Variants in FAM98B observed in about 807,000 individuals in gnomAD.
FAM98B encodes tRNA splicing ligase complex subunit 3B.
In FAM98B, 32 loss-of-function variants were observed where a neutral mutation model predicts 43.9. That is an observed-to-expected ratio of 0.73 (90% CI 0.55 to 0.98). FAM98B has a LOEUF of 0.98. FAM98B is among the 50% of genes least tolerant of loss of function. The pLI is 0.00. For synonymous variants in FAM98B, 190 were observed against 174.0 expected (o/e 1.09, Z -0.72); for missense variants, 514 against 522.9 (o/e 0.98, Z 0.17).
rs557395856 is a variant in FAM98B at position 38,481,465 on chromosome 15, T to C, written c.897+6T>C. On this transcript the variant is annotated splice_donor_region_variant and intron_variant, in intron 7 of 7. Transcript: ENST00000397609. Reference sequence around the variant, plus strand: ...CCGCATGTGCCATTAATAAGGTTGGTGTTTCTTTCAGTACAGTGGAAAATG... The same window carrying C: ...CCGCATGTGCCATTAATAAGGTTGGCGTTTCTTTCAGTACAGTGGAAAATG... 3 of 1,614,218 alleles carry C rather than the reference T, an allele frequency of 1.9e-6. No homozygotes were observed. The highest frequency in any genetic ancestry group is 3.3e-5 in the Admixed American group (2 of 60,020).
At chr15:38,474,877 C>A (rs1183030281) in intron 6 of FAM98B, among the ~76,000 whole-genome samples, 1 of 152,084 alleles carries the variant, frequency 6.6e-6, no homozygotes. Context: ...ACTCTCCAGG[C>A]AGTAAGCTGA....
chr15:38,475,106 C>T (rs955323534), intron 6 of FAM98B, among the ~76,000 whole-genome samples: 1 of 150,976 alleles, frequency 6.6e-6, no homozygotes, highest in African/African-American at 2.4e-5. Context: ...AGTTCTTCTG[C>T]CCCATGCTGG....
rs778351433 is a variant in FAM98B at position 38,464,150 on chromosome 15, A to G, written c.190A>G (p.Asn64Asp). The change falls in exon 2 of 8, where the codon AAC becomes GAC. Residue 64 changes from asparagine to aspartate, a missense_variant. Asn to Asp is a conservative substitution (Grantham distance 23, BLOSUM62 1). Around this residue, in one of 2 missense-constraint regions of FAM98B, gnomAD observed 469 missense variants for 451.8 expected, o/e 1.04. Coordinates refer to ENST00000397609, the MANE Select transcript of FAM98B (RefSeq NM_173611.4). The stretch of plus-strand genomic sequence containing the variant: ...AGGCTCTCAAATAAAATCATTATGC[A>G]ACTTGGAAGAAAGTATCACGTCTGC... ...WLGSQIKSLC[N>D]LEESITSAGR... The G allele has an allele frequency of 5.0e-6, 8 of 1,612,954 alleles. No individual in the cohort carries two copies. In the East Asian group the frequency reaches 1.6e-4, roughly 31 times the overall value.
At position 38,459,844 on chromosome 15, in the gene FAM98B, C is replaced by G. The variant is rs72727347; in HGVS notation, c.72-4188C>G. Among the ~76,000 whole-genome samples the G allele has an allele frequency of 6.4e-3, 977 of 152,276 alleles. 7 individuals are homozygous for G. The highest frequency in any genetic ancestry group is 9.3e-3 in the Non-Finnish European group (634 of 68,012). ...TGAAAACAAGAGAGGAATAATCTTT[C>G]TGAGAAGAAATGGACAGTATAGCAA... is the stretch of plus-strand genomic sequence containing the variant. On this transcript the variant is annotated intron_variant, in intron 1 of 7. Transcript: ENST00000397609.
At chr15:38,458,529 G>A (rs1889888463) in intron 1 of FAM98B, among the ~76,000 whole-genome samples, 1 of 152,088 alleles carries the variant, frequency 6.6e-6, no homozygotes, top group Admixed American at 6.6e-5. Flanking sequence ...CACACATCTC[G>A]GGAACCCAAC....
At chr15:38,463,243 T>A (rs1436151256) in intron 1 of FAM98B, among the ~76,000 whole-genome samples, 6 of 152,152 alleles carry the variant, frequency 3.9e-5, no homozygotes, top group Non-Finnish European at 7.3e-5. Context: ...ACACCTGTAA[T>A]CCCAGTACTT....
chr15:38,482,010 G>A, intron 7 of FAM98B: 1 of 167,006 alleles, frequency 6.0e-6, no homozygotes. Flanking sequence ...CTTTACAACA[G>A]CAATAACAAT....
At chr15:38,455,756 T>G (rs1310570097) in intron 1 of FAM98B, among the ~76,000 whole-genome samples, 1 of 152,248 alleles carries the variant, frequency 6.6e-6, no homozygotes, top group Non-Finnish European at 1.5e-5. Flanking sequence ...GCAGTGCTTT[T>G]CTTCTTTCTT....
At position 38,484,705 on chromosome 15, in the gene FAM98B, T is replaced by A; in HGVS notation, c.*46T>A. Reference sequence around the variant, plus strand: ...CAGTGCTTGCTTCTTTATAGATACATTAGAAATAGTGTTCCAAATAACATA... The same window carrying A: ...CAGTGCTTGCTTCTTTATAGATACAATAGAAATAGTGTTCCAAATAACATA... On this transcript the variant is annotated 3_prime_UTR_variant, in exon 8 of 8. Transcript: ENST00000397609. The A allele has an allele frequency of 6.7e-7, 1 of 1,489,768 alleles. No homozygotes were observed. Among genetic ancestry groups the A allele is most frequent in the Non-Finnish European group, 8.9e-7 (1 of 1,129,364 alleles). The allele number at this position is 1,489,768 out of a possible 1,614,324, so 92.3% of individuals were successfully genotyped here.
At chr15:38,461,435 A>G (rs1347099877) in intron 1 of FAM98B, among the ~76,000 whole-genome samples, 1 of 152,130 alleles carries the variant, frequency 6.6e-6, no homozygotes, top group Admixed American at 6.5e-5. Flanking sequence ...TATGTTAATG[A>G]TGGAGCATTT....
chr15:38,454,166 G>A lies in FAM98B; in HGVS notation c.5G>A (p.Arg2Lys), dbSNP rs1381804755. The A allele has an allele frequency of 6.3e-7, 1 of 1,597,428 alleles. No individual in the cohort carries two copies. Among genetic ancestry groups the A allele is most frequent in the Non-Finnish European group, 8.5e-7 (1 of 1,173,512 alleles). Reference protein sequence around the residue: MRGPEPGPQPTM... With the variant: MKGPEPGPQPTM... Reference sequence around the variant, plus strand: ...ACAGCTCTGGGCCAAAGGACCATGAGAGGGCCGGAGCCGGGTCCCCAACCG... The same window carrying A: ...ACAGCTCTGGGCCAAAGGACCATGAAAGGGCCGGAGCCGGGTCCCCAACCG... Residue 2 changes from arginine (R) to lysine (K), a missense_variant, in exon 1 of 8, where the codon AGA becomes AAA. Physicochemically the swap from Arg to Lys is conservative, Grantham distance 26. This residue lies in a region of FAM98B where 469 missense variants were observed against 451.8 expected (regional missense o/e 1.04). Coordinates refer to ENST00000397609, the MANE Select transcript of FAM98B (RefSeq NM_173611.4).
At chr15:38,464,297 C>G in intron 2 of FAM98B, 120 bp downstream of exon 2, 1 of 958,582 alleles carries the variant, frequency 1.0e-6, no homozygotes, top group Non-Finnish European at 1.4e-6. Context: ...CAAAGAATTT[C>G]AGTATGTGGT....
At chr15:38,476,808 T>C (rs1432533480) in intron 6 of FAM98B, among the ~76,000 whole-genome samples, 2 of 151,792 alleles carry the variant, frequency 1.3e-5, no homozygotes, top group Non-Finnish European at 2.9e-5. Context: ...AGCTGCATGG[T>C]AGTTTTTGGT....
chr15:38,484,701 T>C lies in FAM98B; in HGVS notation c.*42T>C. 1.3e-6 allele frequency: 2 copies of C among 1,494,466 alleles called. No homozygotes were observed. Among genetic ancestry groups the C allele is most frequent in the Non-Finnish European group, 8.8e-7 (1 of 1,131,030 alleles). The allele number at this position is 1,494,466 out of a possible 1,614,324, so 92.6% of individuals were successfully genotyped here. On this transcript the variant is annotated 3_prime_UTR_variant, in exon 8 of 8. Coordinates refer to ENST00000397609, the MANE Select transcript of FAM98B (RefSeq NM_173611.4). ...ATAGCAGTGCTTGCTTCTTTATAGA[T>C]ACATTAGAAATAGTGTTCCAAATAA...
chr15:38,465,076 T>G lies in FAM98B; in HGVS notation c.218-193T>G, dbSNP rs915838866. ...TAGAAATGGATCATTTGCTCTGAAG[T>G]GAATTAATAATTATAGCCATAATAA... On this transcript the variant is annotated intron_variant, in intron 2 of 7. Transcript: ENST00000397609. Among the ~76,000 whole-genome samples, 4 of 152,364 alleles carry G rather than the reference T, an allele frequency of 2.6e-5. 1 individual carries two copies. Among genetic ancestry groups the G allele is most frequent in the South Asian group, 4.1e-4 (2 of 4,832 alleles).
At chr15:38,459,018 C>A in intron 1 of FAM98B, 1 of 337,314 alleles carries the variant, frequency 3.0e-6, no homozygotes. Context: ...CCCGGAACAC[C>A]CCACACCGGC....
At chr15:38,470,129 G>C in intron 3 of FAM98B, 98 bp from the exon 4 acceptor site, 1 of 1,039,688 alleles carries the variant, frequency 9.6e-7, no homozygotes, top group Non-Finnish European at 1.3e-6. Flanking sequence ...GGCATTATTG[G>C]TATTAATTGA....
chr15:38,479,669 A>G (rs1040671714), intron 6 of FAM98B, among the ~76,000 whole-genome samples: 1 of 152,086 alleles, frequency 6.6e-6, no homozygotes, highest in African/African-American at 2.4e-5. Context: ...ATTTTTTTCT[A>G]TATTAACAAT....
intron 6 of FAM98B, among the ~76,000 whole-genome samples, chr15:38,477,475 A>G (rs1890219297): frequency 6.6e-6 from 1 of 151,916 alleles, no homozygotes; most frequent in Non-Finnish European, 1.5e-5. Context: ...TACCTTTTAT[A>G]ATTTAGTGTC....
Sources: allele counts gnomAD v4.1 joint callset (sites outside exome capture counted in the v4.1 genomes callset), GRCh38; gene constraint gnomAD v4.1.1; regional missense constraint gnomAD v4.1.1; transcripts MANE v1.5; gene names NCBI Gene and HGNC (gene_info 2026-07-23, HGNC 2026-07-21).